Variants in UBTF observed in about 807,000 individuals in gnomAD.
The protein encoded by UBTF is upstream binding transcription factor, also known as nucleolar transcription factor 1.
In UBTF, 8 loss-of-function variants were observed where a neutral mutation model predicts 112.3. The ratio of observed to expected loss-of-function variants is 0.07; its 90% CI spans 0.04 to 0.13. The LOEUF (loss-of-function observed/expected upper bound fraction) is 0.13, where lower values mean the gene tolerates loss of function less well. Ranked by LOEUF, UBTF falls within the 10% of genes least tolerant of loss-of-function variation. The probability of loss-of-function intolerance (pLI) is 1.00; values close to 1 mark genes in which losing one functional copy is unlikely to be tolerated. For synonymous variants in UBTF, 417 were observed against 373.1 expected (o/e 1.12, Z -1.36); for missense variants, 457 against 982.1 (o/e 0.47, Z 7.15).
chr17:44,218,526 G>T, intron 1 of UBTF: 1 of 342,510 alleles, frequency 2.9e-6, no homozygotes, highest in Non-Finnish European at 4.9e-6. Flanking sequence ...CCCTGGCCAC[G>T]CGAGGGCCTG....
chr17:44,221,295 C>G (rs943560276), upstream of UBTF: 1 of 152,198 alleles, frequency 6.6e-6, no homozygotes, highest in Non-Finnish European at 1.5e-5. Context: ...AGCGCCCGAC[C>G]CGGGCGTGTA....
chr17:44,213,103 T>C, intron 6 of UBTF, 115 bp downstream of exon 6: 2 of 1,535,766 alleles, frequency 1.3e-6, no homozygotes, highest in East Asian at 4.5e-5. Flanking sequence ...AGGGCTCACA[T>C]GTGACCCATC....
intron 2 of UBTF, among the ~76,000 whole-genome samples, chr17:44,217,586 C>T (rs2046909297): frequency 6.6e-6 from 1 of 152,296 alleles, no homozygotes; most frequent in East Asian, 1.9e-4. Context: ...GCCAGAGATT[C>T]TGCAGAATGG....
At chr17:44,220,052 G>GGCGGCT (rs1555587686), upstream of UBTF, among the ~76,000 whole-genome samples, 34 of 137,196 alleles carry the variant, frequency 2.5e-4, no homozygotes, top group African/African-American at 8.4e-4. Flanking sequence ...CGGCGGCGGC[G>GGCGGCT]GCTGCTGCTG....
chr17:44,216,476 C>T, intron 3 of UBTF, 53 bp downstream of exon 3: 1 of 1,598,416 alleles, frequency 6.3e-7, no homozygotes. Flanking sequence ...TCACTTCCCC[C>T]ACCACGCTGA....
At chr17:44,213,184 C>A in intron 6 of UBTF, 34 bp downstream of exon 6, 1 of 1,606,100 alleles carries the variant, frequency 6.2e-7, no homozygotes, top group Non-Finnish European at 8.5e-7. Flanking sequence ...GCCCCCAGTG[C>A]CCCGTGGCCC....
Position 44,210,218 on chromosome 17 carries a change from G to A in UBTF, c.1532C>T (p.Ala511Val). 6.2e-7 allele frequency: 1 copy of A among 1,614,144 alleles called. No individual in the cohort carries two copies. Among genetic ancestry groups the A allele is most frequent in the Non-Finnish European group, 8.5e-7 (1 of 1,180,030 alleles). Residue 511 changes from alanine (A) to valine (V), a missense_variant, in exon 15 of 21, where the codon GCC becomes GTC. By Grantham distance (64) the Ala-to-Val change is moderately conservative. Transcript: ENST00000436088. ...LARFKNDRVK[A>V]LKAMEMTWNN... is the part of the protein sequence containing the mutation. ...CCAGGTCATTTCCATGGCTTTCAAG[G>A]CCTTCACCCGGTCATTCTGGGGACC...
Position 44,211,178 on chromosome 17 carries a change from C to T in UBTF, c.1090-26G>A, listed in dbSNP as rs1255138250. The T allele has an allele frequency of 6.2e-7, 1 of 1,612,834 alleles. No individual in the cohort carries two copies. Among genetic ancestry groups the T allele is most frequent in the Non-Finnish European group, 8.5e-7 (1 of 1,179,730 alleles). ...CTGGACAGGAAAGAGGAGCACGGGG[C>T]TGCATGCCTGGCACCCAGACTGCAT... On this transcript the variant is annotated intron_variant, in intron 11 of 20. Coordinates refer to ENST00000436088, the MANE Select transcript of UBTF (RefSeq NM_014233.4). The surrounding 1 kb of genome is among the most constrained non-coding windows in gnomAD (Gnocchi z 4.9).
upstream of UBTF, chr17:44,220,843 C>T (rs2047154872): frequency 6.6e-6 from 1 of 152,158 alleles, no homozygotes; most frequent in Admixed American, 6.5e-5. Context: ...AGCGAGTCGC[C>T]AGACAAAGCC....
At chr17:44,208,352 A>G (rs1206304804) in intron 17 of UBTF, among the ~76,000 whole-genome samples, 1 of 151,980 alleles carries the variant, frequency 6.6e-6, no homozygotes, top group Admixed American at 6.6e-5. Context: ...GATCCTTCAT[A>G]CCTTGGGCTC....
Position 44,209,499 on chromosome 17 carries a change from C to T in UBTF, c.1758G>A (p.Gly586=), listed in dbSNP as rs769664222. The T allele has an allele frequency of 6.2e-5, 100 of 1,613,162 alleles. 1 individual carries two copies. In the South Asian group the frequency reaches 9.8e-4, roughly 16 times the overall value. Residue 586 remains glycine (G), a synonymous_variant, in exon 17 of 21, where the codon GGG becomes GGA. Transcript: ENST00000436088. ...CCTTCAGCGGCAGGTGGTTCAGCTC[C>T]CCATTGGACAGCAGCTCCTGGGAGA... ...QKFSQELLSN[G]ELNHLPLKER...
intron 8 of UBTF, 59 bp from the exon 9 acceptor site, chr17:44,212,065 G>A: frequency 6.4e-7 from 1 of 1,571,512 alleles, no homozygotes; most frequent in South Asian, 1.1e-5. Context: ...TAGGGCAGGG[G>A]CAGGGGGAGA....
intron 3 of UBTF, 120 bp from the exon 4 acceptor site, chr17:44,216,109 G>C (rs1414127290): frequency 4.8e-6 from 4 of 827,642 alleles, no homozygotes; most frequent in Admixed American, 2.4e-5. Context: ...TACCAAAGAA[G>C]AGCAGAGGCC....
intron 3 of UBTF, 56 bp downstream of exon 3, chr17:44,216,473 C>T (rs898310268): frequency 4.1e-5 from 65 of 1,594,210 alleles, no homozygotes; most frequent in Non-Finnish European, 5.2e-5. Context: ...GTTTCACTTC[C>T]CCCACCACGC....
At chr17:44,219,979 G>A (rs2047093290), upstream of UBTF, among the ~76,000 whole-genome samples, 1 of 150,324 alleles carries the variant, frequency 6.7e-6, no homozygotes, top group African/African-American at 2.4e-5. Flanking sequence ...GGAGCTGGGG[G>A]GACCCGGGCG....
intron 5 of UBTF, among the ~76,000 whole-genome samples, chr17:44,214,968 C>T (rs1567803970): frequency 6.6e-6 from 1 of 152,212 alleles, no homozygotes; most frequent in Non-Finnish European, 1.5e-5. Context: ...AGCTCTGTGA[C>T]TGAGCCCTGC....
At chr17:44,215,579 A>G in intron 5 of UBTF, 75 bp downstream of exon 5, 1 of 1,576,856 alleles carries the variant, frequency 6.3e-7, no homozygotes, top group Non-Finnish European at 8.7e-7. Context: ...TCCAAGGCCT[A>G]CCTCCAACTG....
chr17:44,209,481 C>T lies in UBTF; in HGVS notation c.1776G>A (p.Pro592=), dbSNP rs757550682. ...LLSNGELNHL[P]LKERMVEIGS... is the part of the protein sequence containing the mutation. ...CGATCTCCACCATGCGCTCCTTCAG[C>T]GGCAGGTGGTTCAGCTCCCCATTGG... Residue 592 remains proline (P), a synonymous_variant, in exon 17 of 21, where the codon CCG becomes CCA. Coordinates refer to ENST00000436088, the MANE Select transcript of UBTF (RefSeq NM_014233.4). 1.2e-5 allele frequency: 20 copies of T among 1,613,928 alleles called. No homozygotes were observed. Among genetic ancestry groups the T allele is most frequent in the South Asian group, 1.1e-4 (10 of 91,086 alleles).
At chr17:44,219,679 G>A (rs1259105850), upstream of UBTF, 1 of 151,772 alleles carries the variant, frequency 6.6e-6, no homozygotes, top group Non-Finnish European at 1.5e-5. Context: ...AAAGCACAAA[G>A]CACAGCGCCC....
Sources: gnomAD v4.1 joint callset for allele counts (sites outside exome capture counted in the v4.1 genomes callset) on GRCh38, gnomAD v4.1.1 for gene constraint, Gnocchi (gnomAD v3.1) non-coding constraint, MANE v1.5 for transcripts, NCBI Gene and HGNC (gene_info 2026-07-23, HGNC 2026-07-21) for gene names.